Variants in SDK1 observed in about 807,000 individuals in gnomAD.
The protein encoded by SDK1 is protein sidekick-1.
SDK1 carries 157 observed loss-of-function variants against 245.5 expected under a neutral mutation model. The ratio of observed to expected loss-of-function variants is 0.64; its 90% CI spans 0.56 to 0.73. SDK1 has a LOEUF of 0.73. Among genes scored for constraint, SDK1 ranks in the 30% least tolerant of loss-of-function variants. The pLI, the probability that SDK1 is intolerant of heterozygous loss-of-function variation, is 0.00. For synonymous variants in SDK1, 1,647 were observed against 1,278.5 expected (o/e 1.29, Z -6.15); for missense variants, 3,583 against 3,002.3 (o/e 1.19, Z -4.52).
At chr7:4,060,397 C>G (rs1366108562) in intron 19 of SDK1, among the ~76,000 whole-genome samples, 1 of 152,200 alleles carries the variant, frequency 6.6e-6, no homozygotes, top group Non-Finnish European at 1.5e-5. Flanking sequence ...GAAACAAAGA[C>G]TTAAAAACAA....
intron 36 of SDK1, among the ~76,000 whole-genome samples, chr7:4,206,305 T>A (rs1784221928): frequency 6.6e-6 from 1 of 152,194 alleles, no homozygotes; most frequent in South Asian, 2.1e-4. Flanking sequence ...GGGGAACCCT[T>A]CCGTTTCCTG....
intron 1 of SDK1, among the ~76,000 whole-genome samples, chr7:3,433,480 C>G (rs1469936769): frequency 2.0e-5 from 3 of 151,936 alleles, no homozygotes; most frequent in Non-Finnish European, 4.4e-5. Context: ...TTGGTAAACT[C>G]TCCTCTTTTT....
At chr7:3,413,417 A>C (rs1422504723) in intron 1 of SDK1, among the ~76,000 whole-genome samples, 3 of 152,290 alleles carry the variant, frequency 2.0e-5, no homozygotes, top group African/African-American at 7.2e-5. Context: ...ACTTGGAGCC[A>C]GGTGCAGTGG....
chr7:3,335,182 T>A (rs1249467423), intron 1 of SDK1, among the ~76,000 whole-genome samples: 1 of 152,180 alleles, frequency 6.6e-6, no homozygotes, highest in Admixed American at 6.5e-5. Flanking sequence ...TAAACCTAAA[T>A]CATGTCTTTC....
chr7:3,821,378 A>G, intron 4 of SDK1, 72 bp from the exon 5 acceptor site: 1 of 1,521,882 alleles, frequency 6.6e-7, no homozygotes, highest in Non-Finnish European at 8.9e-7. Flanking sequence ...TAGTTGGCCT[A>G]ATTAATTTTG....
chr7:3,620,036 C>T (rs1300302753), intron 2 of SDK1, among the ~76,000 whole-genome samples: 1 of 152,176 alleles, frequency 6.6e-6, no homozygotes, highest in East Asian at 1.9e-4. Flanking sequence ...GGAGGCCTCA[C>T]CATCAGCAAA....
In SDK1 at chr7:4,268,018, C is replaced by A. The variant is rs1253521223; in HGVS notation, c.*2634C>A. ...CAGGGAAGGAAAAGAAAATCACAGC[C>A]TAGGAAGATGGAGGTTGGATTTTAA... On this transcript the variant is annotated 3_prime_UTR_variant, in exon 45 of 45. Coordinates refer to ENST00000404826, the MANE Select transcript of SDK1 (RefSeq NM_152744.4). 29 of 985,304 alleles carry A rather than the reference C, an allele frequency of 2.9e-5. No homozygotes were observed. Among genetic ancestry groups the A allele is most frequent in the African/African-American group, 3.5e-5 (2 of 57,224 alleles). 61.0% of individuals were successfully genotyped at this position (985,304 alleles called of 1,614,324 possible).
chr7:4,133,360 G>A (rs746785121), intron 28 of SDK1, among the ~76,000 whole-genome samples: 9 of 152,332 alleles, frequency 5.9e-5, no homozygotes, highest in Admixed American at 1.3e-4. Flanking sequence ...CCCTGTGCAG[G>A]TGTCGTATGT....
At position 4,011,009 on chromosome 7, in the gene SDK1, G is replaced by T; in HGVS notation, c.2175G>T (p.Met725Ile). 1 of 1,614,200 alleles carries T rather than the reference G, an allele frequency of 6.2e-7. No homozygotes were observed. ...ATCTGTCAAACGTTGGCCCTGAGAT[G>T]ACAGGCGTCACCGTGAGTGGCCTGA... ...KVHLSNVGPEMTGVTVSGLTP... is the reference protein window; with the variant it reads ...KVHLSNVGPEITGVTVSGLTP... The change falls in exon 15 of 45, where the codon ATG becomes ATT. Residue 725 changes from methionine to isoleucine, a missense_variant. Physicochemically the swap from Met to Ile is conservative, Grantham distance 10. Coordinates refer to ENST00000404826, the MANE Select transcript of SDK1 (RefSeq NM_152744.4).
intron 5 of SDK1, among the ~76,000 whole-genome samples, chr7:3,829,269 C>G (rs1430011198): frequency 8.6e-5 from 13 of 152,046 alleles, no homozygotes. Context: ...TTTAGGTGAT[C>G]TAGGAACAAC....
chr7:3,972,946 G>T, intron 12 of SDK1, among the ~76,000 whole-genome samples: 1 of 152,176 alleles, frequency 6.6e-6, no homozygotes, highest in Non-Finnish European at 1.5e-5. Context: ...GGAGACGGTC[G>T]TCAGGCCTCG....
intron 4 of SDK1, among the ~76,000 whole-genome samples, chr7:3,669,379 C>A (rs1466441483): frequency 1.3e-5 from 2 of 152,082 alleles, no homozygotes; most frequent in Non-Finnish European, 2.9e-5. Context: ...CCTTCTTACC[C>A]CCTTTTCATT....
chr7:4,216,058 C>T (rs571085390), intron 38 of SDK1, among the ~76,000 whole-genome samples: 2 of 152,208 alleles, frequency 1.3e-5, no homozygotes, highest in South Asian at 2.1e-4. Flanking sequence ...TTGGCAGGAA[C>T]GTGGTTCAGG....
intron 31 of SDK1, among the ~76,000 whole-genome samples, chr7:4,160,572 T>C (rs926420986): frequency 6.6e-5 from 10 of 152,306 alleles, no homozygotes; most frequent in Admixed American, 3.3e-4. Context: ...TCTCCAGGGG[T>C]TGGGGAACCC....
intron 5 of SDK1, among the ~76,000 whole-genome samples, chr7:3,914,172 C>G (rs771211244): frequency 2.0e-4 from 31 of 152,202 alleles, no homozygotes; most frequent in Non-Finnish European, 4.1e-4. Context: ...TTATACAGTT[C>G]ATTTATGCCT....
At chr7:4,262,353 T>C (rs1788072035) in intron 44 of SDK1, among the ~76,000 whole-genome samples, 1 of 151,846 alleles carries the variant, frequency 6.6e-6, no homozygotes, top group South Asian at 2.1e-4. Flanking sequence ...TTCCAATGAC[T>C]TCACATCAAA....
intron 35 of SDK1, 116 bp from the exon 36 acceptor site, chr7:4,205,763 C>G (rs774866375): frequency 3.0e-5 from 25 of 841,622 alleles, no homozygotes; most frequent in Non-Finnish European, 4.8e-5. Context: ...GGAAGAATCT[C>G]TCACATGGTT....
chr7:4,134,375 A>G (rs1562862334), intron 28 of SDK1, among the ~76,000 whole-genome samples: 1 of 152,202 alleles, frequency 6.6e-6, no homozygotes. Flanking sequence ...GCTATGAGCC[A>G]CATCTGGTGC....
rs189902390 is a variant in SDK1 at position 3,774,799 on chromosome 7, C to G, written c.714-46651C>G. Reference sequence around the variant, plus strand: ...CTCCTGAATGTTACTCTTTGTCCAGCCTTATAAATTTTTGGTATTATTATC... The same window carrying G: ...CTCCTGAATGTTACTCTTTGTCCAGGCTTATAAATTTTTGGTATTATTATC... On this transcript the variant is annotated intron_variant, in intron 4 of 44. Transcript: ENST00000404826. 1.3e-3 allele frequency among the ~76,000 whole-genome samples: 198 copies of G among 152,272 alleles called. 1 individual carries two copies. Among genetic ancestry groups the G allele is most frequent in the African/African-American group, 4.6e-3 (193 of 41,568 alleles).
Sources: allele counts gnomAD v4.1 joint callset (sites outside exome capture counted in the v4.1 genomes callset), GRCh38; gene constraint gnomAD v4.1.1; transcripts MANE v1.5; gene names NCBI Gene and HGNC (gene_info 2026-07-23, HGNC 2026-07-21).